Variants in ABCG8 observed in about 807,000 individuals in gnomAD.
ABCG8 encodes ATP-binding cassette sub-family G member 8.
A neutral mutation model predicts 71.3 loss-of-function variants in ABCG8; 81 were observed. That is an observed-to-expected ratio of 1.14 (90% confidence interval 0.95 to 1.37). The LOEUF is 1.37. Among genes scored for constraint, ABCG8 ranks in the 40% most tolerant of loss-of-function variants. The probability of loss-of-function intolerance (pLI) is 0.00; values close to 1 mark genes in which losing one functional copy is unlikely to be tolerated. For synonymous variants in ABCG8, 451 were observed against 354.7 expected (o/e 1.27, Z -3.05); for missense variants, 1,119 against 866.2 (o/e 1.29, Z -3.66).
At chr2:43,840,109 T>C (rs1381602239) in intron 1 of ABCG8, among the ~76,000 whole-genome samples, 2 of 152,212 alleles carry the variant, frequency 1.3e-5, no homozygotes, top group Non-Finnish European at 2.9e-5. Context: ...CACCCCATCC[T>C]ACCTTTCCAT....
intron 1 of ABCG8, 110 bp downstream of exon 1, chr2:43,839,226 C>A: frequency 1.7e-6 from 2 of 1,211,710 alleles, no homozygotes; most frequent in Non-Finnish European, 1.2e-6. Context: ...GGACATCAAG[C>A]AGTGTGAGGA....
intron 6 of ABCG8, among the ~76,000 whole-genome samples, chr2:43,857,983 T>A (rs899292499): frequency 1.3e-5 from 2 of 150,840 alleles, no homozygotes; most frequent in African/African-American, 2.4e-5. Flanking sequence ...ATTCTCACTA[T>A]CTATCTATAG....
rs1486508069 is a variant in ABCG8 at position 43,874,419 on chromosome 2, G to A, written c.1424G>A (p.Arg475Lys). The change falls in exon 10 of 13, where the codon AGG becomes AAG. Residue 475 changes from arginine to lysine, a missense_variant. Arg to Lys is a conservative substitution (Grantham distance 26). Transcript: ENST00000272286. ...LDVISKCYSE[R>K]AMLYYELEDG... ...CCTTACTTTTTAGGTTACTCAGAGA[G>A]GGCAATGCTTTACTATGAACTGGAA... The A allele has an allele frequency of 5.6e-6, 9 of 1,611,976 alleles. No individual in the cohort carries two copies. The highest frequency in any genetic ancestry group is 4.4e-5 in the South Asian group (4 of 91,042).
intron 1 of ABCG8, among the ~76,000 whole-genome samples, chr2:43,839,407 T>C (rs1336983543): frequency 2.0e-3 from 16 of 8,190 alleles, no homozygotes; most frequent in Non-Finnish European, 2.5e-3. Flanking sequence ...TCTTCTCTTT[T>C]TTTTTTTTTT....
intron 6 of ABCG8, 98 bp downstream of exon 6, chr2:43,852,966 T>TGGGCGCGGTGGCTCATG: frequency 7.3e-7 from 1 of 1,375,538 alleles, no homozygotes; most frequent in Non-Finnish European, 9.9e-7. Flanking sequence ...GGGGAGAAAC[T>TGGGCGCGGTGGCTCATG]CCCAGAGGTT....
intron 3 of ABCG8, chr2:43,847,917 T>C (rs1668795700): frequency 6.6e-6 from 1 of 151,364 alleles, no homozygotes; most frequent in African/African-American, 2.4e-5. Flanking sequence ...GGTGCCACTA[T>C]GCCTGGCTCA....
rs759609173 is a variant in ABCG8, at chr2:43,854,626, C to CAAAA, written c.964+1774_964+1777dup. On this transcript the variant is annotated intron_variant, in intron 6 of 12. Coordinates refer to ENST00000272286, the MANE Select transcript of ABCG8 (RefSeq NM_022437.3). ...TGGGCGATAGAGTGAGACTCCATCT[C>CAAAA]AAAAAAAAAAAAAAAAAAAGGATAT... is the stretch of plus-strand genomic sequence containing the variant. 1.9e-4 allele frequency among the ~76,000 whole-genome samples: 14 copies of CAAAA among 74,716 alleles called. 1 individual carries two copies. The highest frequency in any genetic ancestry group is 7.1e-4 in the African/African-American group (13 of 18,426). 49.0% of individuals were successfully genotyped at this position (74,716 alleles called of 152,430 possible).
chr2:43,844,515 G>A lies in ABCG8; in HGVS notation c.72G>A (p.Gln24=), dbSNP rs752736081. 1 of 1,614,030 alleles carries A rather than the reference G, an allele frequency of 6.2e-7. No homozygotes were observed. The highest frequency in any genetic ancestry group is 1.1e-5 in the South Asian group (1 of 91,066). The change falls in exon 2 of 13, where the codon CAG becomes CAA. Residue 24 remains glutamine (Q), a synonymous_variant. Transcript: ENST00000272286. ...TCTCCTGTCTCCCACAGGGCCTCCA[G>A]GATAGATTGTTCTCCTCTGAAAGTG... ...GATPQDTSGL[Q]DRLFSSESDN... is the part of the protein sequence containing the mutation.
At chr2:43,853,353 T>C (rs1668992681) in intron 6 of ABCG8, among the ~76,000 whole-genome samples, 1 of 152,186 alleles carries the variant, frequency 6.6e-6, no homozygotes, top group African/African-American at 2.4e-5. Context: ...AGCCCCAGGC[T>C]TGCCCTTTGC....
intron 6 of ABCG8, among the ~76,000 whole-genome samples, chr2:43,855,187 T>C (rs1669060377): frequency 6.6e-6 from 1 of 152,156 alleles, no homozygotes; most frequent in Non-Finnish European, 1.5e-5. Flanking sequence ...GATATAATTG[T>C]CGCCCTCTGA....
chr2:43,869,901 C>A (rs1276966077), intron 6 of ABCG8, among the ~76,000 whole-genome samples: 1 of 152,070 alleles, frequency 6.6e-6, no homozygotes, highest in Non-Finnish European at 1.5e-5. Flanking sequence ...ATAGAACTCT[C>A]GCTATCTGGA....
At chr2:43,861,742 C>G (rs1302392656) in intron 6 of ABCG8, among the ~76,000 whole-genome samples, 1 of 149,548 alleles carries the variant, frequency 6.7e-6, no homozygotes, top group East Asian at 2.0e-4. Flanking sequence ...TCTCACTATC[C>G]GGATAGTGGA....
chr2:43,851,661 A>C lies in ABCG8; in HGVS notation c.400A>C (p.Ile134Leu). Residue 134 changes from isoleucine to leucine, a missense_variant, in exon 4 of 13, where the codon ATC (isoleucine) becomes CTC (leucine). By Grantham distance (5) the Ile-to-Leu change is conservative. Coordinates refer to ENST00000272286, the MANE Select transcript of ABCG8 (RefSeq NM_022437.3). Reference protein sequence around the residue: ...GGKIKSGQIWINGQPSSPQLV... With the variant: ...GGKIKSGQIWLNGQPSSPQLV... ...CAAGATCAAGTCAGGCCAGATCTGG[A>C]TCAATGGGCAGCCCAGCTCGCCTCA... 6.2e-7 allele frequency: 1 copy of C among 1,614,236 alleles called. No homozygotes were observed.
chr2:43,840,874 T>C (rs1668563498), intron 1 of ABCG8, among the ~76,000 whole-genome samples: 1 of 152,142 alleles, frequency 6.6e-6, no homozygotes, highest in African/African-American at 2.4e-5. Context: ...AGACATATAC[T>C]TCTCTGGCCT....
rs769692968 is a variant in ABCG8 at position 43,844,646 on chromosome 2, C to G, written c.165+38C>G. ...CTGGGTTCAAGGGGAGAGGAGCAGG[C>G]AGGGACAGCCAGGAAATTCCCCGGG... On this transcript the variant is annotated intron_variant, in intron 2 of 12. Transcript: ENST00000272286. 6 of 1,504,894 alleles carry G rather than the reference C, an allele frequency of 4.0e-6. No individual in the cohort carries two copies. The East Asian group carries it at 1.1e-4, about 28-fold the overall frequency. 93.2% of individuals were successfully genotyped at this position (1,504,894 alleles called of 1,614,324 possible).
chr2:43,846,277 A>C lies in ABCG8; in HGVS notation c.288A>C (p.Arg96Ser), dbSNP rs1204199703. 1 of 1,614,048 alleles carries C rather than the reference A, an allele frequency of 6.2e-7. No homozygotes were observed. The highest frequency in any genetic ancestry group is 8.5e-7 in the Non-Finnish European group (1 of 1,180,036). ...TCCAGAACCTAAGCTTCAAAGTGAG[A>C]AGTGGGCAGATGCTGGCCATCATAG... ...LGIQNLSFKV[R>S]SGQMLAIIGS... The change falls in exon 3 of 13, where the codon AGA becomes AGC. Residue 96 changes from arginine (R) to serine (S), a missense_variant. By Grantham distance (110) the Arg-to-Ser change is moderately radical (BLOSUM62 -1). Transcript: ENST00000272286.
In ABCG8 at chr2:43,878,121, G is replaced by A. The variant is rs1670024127; in HGVS notation, c.*208G>A. 6 of 696,110 alleles carry A rather than the reference G, an allele frequency of 8.6e-6. No individual in the cohort carries two copies. Among genetic ancestry groups the A allele is most frequent in the South Asian group, 1.8e-5 (1 of 56,968 alleles). The allele number at this position is 696,110 out of a possible 1,614,324, so 43.1% of individuals were successfully genotyped here. A position where few individuals can be genotyped will look rare whatever the true frequency, so the allele number is the denominator to read the frequency against. ...CGAAAGGGATTTCTGCTCACTGGCA[G>A]GAGACTGCGATGACTGGGAGAAAAC... On this transcript the variant is annotated 3_prime_UTR_variant, in exon 13 of 13. Transcript: ENST00000272286.
At chr2:43,846,769 T>C (rs562375425) in intron 3 of ABCG8, 5 of 216,978 alleles carry the variant, frequency 2.3e-5, no homozygotes, top group Non-Finnish European at 4.7e-5. Flanking sequence ...CTTTCACTCA[T>C]CTGCAAAGAG....
At chr2:43,864,409 T>G (rs1053382066) in intron 6 of ABCG8, among the ~76,000 whole-genome samples, 3 of 151,744 alleles carry the variant, frequency 2.0e-5, no homozygotes, top group Admixed American at 6.6e-5. Context: ...ACTATCTGGA[T>G]AGAATTCTCA....
Sources: allele counts gnomAD v4.1 joint callset (sites outside exome capture counted in the v4.1 genomes callset), GRCh38; gene constraint gnomAD v4.1.1; transcripts MANE v1.5; gene names NCBI Gene and HGNC (gene_info 2026-07-23, HGNC 2026-07-21).